Variants in TSPEAR observed in about 807,000 individuals in gnomAD.
The protein encoded by TSPEAR is thrombospondin-type laminin G domain and EAR repeat-containing protein.
A neutral mutation model predicts 71.6 loss-of-function variants in TSPEAR; 69 were observed. That is an observed-to-expected ratio of 0.96 (90% CI 0.79 to 1.18). The LOEUF is 1.18. Ranked by LOEUF, TSPEAR falls within the 50% of genes most tolerant of loss-of-function variation. The pLI is 0.00. For synonymous variants in TSPEAR, 402 were observed against 387.2 expected (o/e 1.04, Z -0.45); for missense variants, 971 against 894.9 (o/e 1.09, Z -1.09).
intron 1 of TSPEAR, among the ~76,000 whole-genome samples, chr21:44,619,590 C>A (rs1847284): frequency 0.011 from 1,701 of 152,284 alleles, 15 homozygotes; most frequent in Non-Finnish European, 0.016. Flanking sequence ...TAAATACAAT[C>A]ACAGACAATG....
intron 10 of TSPEAR, among the ~76,000 whole-genome samples, chr21:44,507,529 G>A (rs1291784212): frequency 6.6e-6 from 1 of 151,924 alleles, no homozygotes; most frequent in African/African-American, 2.4e-5. Context: ...TTAATTAATT[G>A]GTAAGTACTT....
At chr21:44,653,764 C>T (rs782203814) in intron 1 of TSPEAR, among the ~76,000 whole-genome samples, 7 of 152,248 alleles carry the variant, frequency 4.6e-5, no homozygotes, top group South Asian at 2.1e-4. Context: ...CAAAGTGGGA[C>T]GAAGGAAGCC....
Position 44,646,492 on chromosome 21 carries a change from G to A in TSPEAR, c.82+64941C>T, listed in dbSNP as rs190235053. ...GTCCACCATGTCTGTCTGCTCCAGC[G>A]CTTACTCCGACTCCTGGCAGGTGGA... On this transcript the variant is annotated intron_variant, in intron 1 of 11. Transcript: ENST00000323084. 1.3e-5 allele frequency: 21 copies of A among 1,612,606 alleles called. No homozygotes were observed. In the East Asian group the frequency reaches 2.2e-4, roughly 17 times the overall value.
intron 1 of TSPEAR, chr21:44,702,689 C>G (rs1428102733): frequency 1.3e-6 from 2 of 1,532,854 alleles, no homozygotes; most frequent in East Asian, 2.3e-5. Context: ...CCCGCCTTCT[C>G]CTGCCAGCCC....
At chr21:44,535,465 C>T (rs1474070332) in intron 2 of TSPEAR, among the ~76,000 whole-genome samples, 2 of 152,230 alleles carry the variant, frequency 1.3e-5, no homozygotes, top group African/African-American at 4.8e-5. Flanking sequence ...CATACAGTCA[C>T]GTACGGCCAG....
intron 1 of TSPEAR, chr21:44,637,345 G>A (rs1983645376): frequency 8.1e-6 from 12 of 1,476,402 alleles, no homozygotes; most frequent in East Asian, 2.3e-5. Flanking sequence ...CAGCTGACAG[G>A]CTCACACACA....
intron 9 of TSPEAR, among the ~76,000 whole-genome samples, chr21:44,514,962 C>G (rs148555961): frequency 2.0e-5 from 3 of 152,248 alleles, no homozygotes; most frequent in African/African-American, 7.2e-5. Flanking sequence ...CCTGGGAATG[C>G]GCCCACCCTG....
At chr21:44,670,272 A>G (rs1355682279) in intron 1 of TSPEAR, among the ~76,000 whole-genome samples, 1 of 152,140 alleles carries the variant, frequency 6.6e-6, no homozygotes, top group Non-Finnish European at 1.5e-5. Flanking sequence ...GGTTGTTATA[A>G]TCATTAATAA....
chr21:44,601,444 T>A, intron 1 of TSPEAR: 1 of 1,611,508 alleles, frequency 6.2e-7, no homozygotes, highest in African/African-American at 1.3e-5. Context: ...TAAGCCTGTG[T>A]GCTGTGTGCC....
chr21:44,674,435 G>C (rs1463964320), intron 1 of TSPEAR, among the ~76,000 whole-genome samples: 1 of 152,138 alleles, frequency 6.6e-6, no homozygotes, highest in Non-Finnish European at 1.5e-5. Context: ...AAGATCATCT[G>C]GCTGGGCACG....
rs116619284 is a variant in TSPEAR, at chr21:44,569,352, C to A, written c.83-1347G>T. ...AAGTGTGCACACAGGGTGTAACGGG[C>A]ACTTACAAAAACCGGATGTGACGCA... On this transcript the variant is annotated intron_variant, in intron 1 of 11. Coordinates refer to ENST00000323084, the MANE Select transcript of TSPEAR (RefSeq NM_144991.3). Among the ~76,000 whole-genome samples the A allele has an allele frequency of 5.5e-3, 842 of 152,194 alleles. 11 individuals are homozygous for A. Among genetic ancestry groups the A allele is most frequent in the African/African-American group, 0.02 (810 of 41,506 alleles).
At chr21:44,601,942 T>G in intron 1 of TSPEAR, 2 of 738,356 alleles carry the variant, frequency 2.7e-6, no homozygotes, top group Non-Finnish European at 4.4e-6. Context: ...CCAGCCCTGC[T>G]TCCCCAGCAA....
At chr21:44,500,057 TCCC>T (rs1289768849) in intron 11 of TSPEAR, 121 bp from the exon 12 acceptor site, 2 of 1,012,760 alleles carry the variant, frequency 2.0e-6, no homozygotes, top group Non-Finnish European at 1.4e-6. Context: ...GCCTCTTCCA[TCCC>T]CCCGACTGGC....
chr21:44,518,152 A>G (rs1445849806), intron 9 of TSPEAR: 1 of 368,206 alleles, frequency 2.7e-6, no homozygotes, highest in Non-Finnish European at 5.5e-6. Context: ...TAAGTGCAGT[A>G]TCATCTTGAA....
chr21:44,615,876 C>A (rs1982058881), intron 1 of TSPEAR, among the ~76,000 whole-genome samples: 1 of 152,224 alleles, frequency 6.6e-6, no homozygotes, highest in South Asian at 2.1e-4. Flanking sequence ...CGGGACCAGA[C>A]CCTGAGCATT....
intron 6 of TSPEAR, 119 bp downstream of exon 6, chr21:44,528,333 G>C (rs893376414): frequency 7.0e-7 from 1 of 1,434,854 alleles, no homozygotes; most frequent in Admixed American, 2.0e-5. Flanking sequence ...CCAGCCTGAC[G>C]GCCAAGCCTG....
chr21:44,583,645 G>A (rs1255895295), intron 1 of TSPEAR, among the ~76,000 whole-genome samples: 2 of 151,978 alleles, frequency 1.3e-5, no homozygotes, highest in African/African-American at 4.8e-5. Flanking sequence ...TATTTTATGA[G>A]TATAGTTAAT....
chr21:44,621,193 A>C (rs1335353985), intron 1 of TSPEAR, among the ~76,000 whole-genome samples: 3 of 152,114 alleles, frequency 2.0e-5, no homozygotes, highest in African/African-American at 7.2e-5. Flanking sequence ...GTCATTTTTC[A>C]AGTCCTCTAT....
intron 1 of TSPEAR, among the ~76,000 whole-genome samples, chr21:44,657,645 C>G (rs920228734): frequency 6.6e-6 from 1 of 152,136 alleles, no homozygotes; most frequent in Non-Finnish European, 1.5e-5. Context: ...AGTGAAACAA[C>G]GGGATTCGGT....
Sources: allele counts gnomAD v4.1 joint callset (sites outside exome capture counted in the v4.1 genomes callset), GRCh38; gene constraint gnomAD v4.1.1; transcripts MANE v1.5; gene names NCBI Gene and HGNC (gene_info 2026-07-23, HGNC 2026-07-21).